The following NLRX1 variants were observed in gnomAD, a reference collection of about 807,000 sequenced individuals.
NLRX1 encodes the protein NLR family member X1.
In NLRX1, 67 loss-of-function variants were observed where a neutral mutation model predicts 74.2. That is an observed-to-expected ratio of 0.90 (90% confidence interval 0.74 to 1.11). The LOEUF is 1.11. NLRX1 is among the 50% of genes least tolerant of loss of function. The pLI, the probability that NLRX1 is intolerant of heterozygous loss-of-function variation, is 0.00. For missense variants in NLRX1, 1,191 were observed against 1,305.4 expected (o/e 0.91, Z 1.35); for synonymous variants, 506 against 559.1 (o/e 0.91, Z 1.34).
intron 1 of NLRX1, 21 bp downstream of exon 1, chr11:119,169,323 C>T (rs1172919788): frequency 6.5e-6 from 1 of 152,680 alleles, no homozygotes; most frequent in Non-Finnish European, 1.5e-5. Context: ...TGCAGTGCCC[C>T]CTCCTTTTCT....
At chr11:119,182,915 A>G (rs889342741) in intron 9 of NLRX1, among the ~76,000 whole-genome samples, 3 of 150,658 alleles carry the variant, frequency 2.0e-5, no homozygotes, top group Non-Finnish European at 4.4e-5. Context: ...AACAAAAACA[A>G]AAACAAAAAA....
At position 119,179,731 on chromosome 11, in the gene NLRX1, C is replaced by G. The variant is rs746329727; in HGVS notation, c.1710C>G (p.Ser570Arg). 2.0e-5 allele frequency: 32 copies of G among 1,610,462 alleles called. No homozygotes were observed. The highest frequency in any genetic ancestry group is 2.6e-5 in the Non-Finnish European group (31 of 1,177,578). Residue 570 changes from serine (S) to arginine (R), a missense_variant, in exon 7 of 10, where the codon AGC becomes AGG. Coordinates refer to ENST00000409109, the MANE Select transcript of NLRX1 (RefSeq NM_001282144.2). Reference protein sequence around the residue: ...PRVFGRMVGKSREAVAQAMVL... With the variant: ...PRVFGRMVGKRREAVAQAMVL... ...TGTTTGGGCGCATGGTGGGTAAAAGCCGGGAGGCGGTGGCTCAGGCCATGG... is the reference window on the plus strand; with the variant it reads ...TGTTTGGGCGCATGGTGGGTAAAAGGCGGGAGGCGGTGGCTCAGGCCATGG...
Position 119,174,897 on chromosome 11 carries a change from T to C in NLRX1, c.1294T>C (p.Leu432=). Residue 432 remains leucine, a synonymous_variant, in exon 6 of 10, where the codon TTG becomes CTG. Coordinates refer to ENST00000409109, the MANE Select transcript of NLRX1 (RefSeq NM_001282144.2). ...CTATGCAGCCCGAACCATGGGCAAG[T>C]TGGCCTATGAGGGGGTGTCCTCCCG... ...MAYAARTMGK[L]AYEGVSSRKT... The C allele has an allele frequency of 6.2e-7, 1 of 1,614,034 alleles. No homozygotes were observed. Among genetic ancestry groups the C allele is most frequent in the Non-Finnish European group, 8.5e-7 (1 of 1,180,034 alleles).
At chr11:119,176,302 C>T (rs770425420) in intron 6 of NLRX1, among the ~76,000 whole-genome samples, 1 of 152,140 alleles carries the variant, frequency 6.6e-6, no homozygotes, top group Non-Finnish European at 1.5e-5. Context: ...GCCTAGAGTG[C>T]AGTGGTGCAA....
chr11:119,171,058 G>A (rs1054161459), intron 1 of NLRX1, among the ~76,000 whole-genome samples: 34 of 152,116 alleles, frequency 2.2e-4, no homozygotes, highest in African/African-American at 3.9e-4. Flanking sequence ...CAGGAGAATC[G>A]CTTGGGCCCG....
At position 119,179,616 on chromosome 11, in the gene NLRX1, G is replaced by A. The variant is rs74417500; in HGVS notation, c.1672-77G>A. 8,994 of 1,147,408 alleles carry A rather than the reference G, an allele frequency of 7.8e-3. 523 individuals carry two copies. The African/African-American group carries it at 0.14, about 18-fold the overall frequency. The allele number at this position is 1,147,408 out of a possible 1,614,324, so 71.1% of individuals were successfully genotyped here. Reference sequence around the variant, plus strand: ...TCACAGGGCTGGAGCAGTCATGGGAGTGTACCTTAAGCTGAACCTTGAAGG... The same window carrying A: ...TCACAGGGCTGGAGCAGTCATGGGAATGTACCTTAAGCTGAACCTTGAAGG... On this transcript the variant is annotated intron_variant, in intron 6 of 9. Coordinates refer to ENST00000409109, the MANE Select transcript of NLRX1 (RefSeq NM_001282144.2).
intron 2 of NLRX1, among the ~76,000 whole-genome samples, chr11:119,171,966 A>AAG (rs1948561780): frequency 6.6e-6 from 1 of 152,074 alleles, no homozygotes; most frequent in African/African-American, 2.4e-5. Context: ...AAAAAAAAAA[A>AAG]AGAGAGTTGG....
chr11:119,174,657 C>T lies in NLRX1; in HGVS notation c.1054C>T (p.Gln352Ter), dbSNP rs773475314. 16 of 1,613,942 alleles carry T rather than the reference C, an allele frequency of 9.9e-6. No individual in the cohort carries two copies. Among genetic ancestry groups the T allele is most frequent in the Non-Finnish European group, 1.4e-5 (16 of 1,180,054 alleles). The change falls in exon 6 of 10, where the codon CAG becomes TAG. Residue 352 changes from glutamine (Q) to a stop codon, truncating the protein, a stop_gained. Coordinates refer to ENST00000409109, the MANE Select transcript of NLRX1 (RefSeq NM_001282144.2). LOFTEE classifies it high-confidence loss of function. The part of the protein sequence containing the change: ...ATPAQRDHLV[Q>*]MLSRNLEGHH... ...ACCAGCTCAGCGTGACCACCTGGTG[C>T]AGATGCTCTCCCGGAACCTGGAGGG...
intron 8 of NLRX1, 49 bp from the exon 9 acceptor site, chr11:119,182,045 C>T: frequency 6.3e-7 from 1 of 1,596,000 alleles, no homozygotes; most frequent in Admixed American, 1.7e-5. Context: ...ACCTTGCCTC[C>T]CCCTCCTCTC....
In NLRX1 at chr11:119,174,033, C is replaced by G; in HGVS notation, c.784C>G (p.Pro262Ala). 1 of 1,614,162 alleles carries G rather than the reference C, an allele frequency of 6.2e-7. No individual in the cohort carries two copies. The highest frequency in any genetic ancestry group is 8.5e-7 in the Non-Finnish European group (1 of 1,180,022). ...GGCAGGCACGGGACTTTGTAGTGAC[C>G]CGGAGGAACCGCAGGAACCAGCTGC... ...RLAGTGLCSD[P>A]EEPQEPAAII... is the part of the protein sequence containing the mutation. The change falls in exon 5 of 10, where the codon CCG (proline) becomes GCG (alanine). Residue 262 changes from proline (P) to alanine (A), a missense_variant. Pro to Ala is a conservative substitution (Grantham distance 27). Transcript: ENST00000409109.
intron 2 of NLRX1, 72 bp downstream of exon 2, chr11:119,171,545 C>T (rs1948549332): frequency 2.7e-6 from 3 of 1,100,818 alleles, no homozygotes; most frequent in Non-Finnish European, 4.1e-6. Flanking sequence ...GCCTCCAAGA[C>T]AGCAGGGATC....
intron 6 of NLRX1, chr11:119,177,958 T>C (rs923188929): frequency 6.6e-6 from 1 of 152,122 alleles, no homozygotes; most frequent in Non-Finnish European, 1.5e-5. Context: ...CTGTCACAGG[T>C]TGGTGTTGGA....
chr11:119,183,681 T>G lies in NLRX1; in HGVS notation c.*242T>G, dbSNP rs780871779. 4.3e-5 allele frequency: 32 copies of G among 743,216 alleles called. No individual in the cohort carries two copies. The Middle Eastern group carries it at 1.6e-3, about 37-fold the overall frequency. 46.0% of individuals were successfully genotyped at this position (743,216 alleles called of 1,614,324 possible). On this transcript the variant is annotated 3_prime_UTR_variant, in exon 10 of 10. Transcript: ENST00000409109. This position sits in a 1 kb window ranked among gnomAD's most constrained non-coding sequence, Gnocchi z 5.7. ...GAGATGGAACATGCCTCCTCTCCAT[T>G]CAGCTAGAAGGACCAAAGCATGTGG... is the stretch of plus-strand genomic sequence containing the variant.
chr11:119,183,199 G>C lies in NLRX1; in HGVS notation c.2688G>C (p.Val896=). 1.2e-6 allele frequency: 2 copies of C among 1,614,198 alleles called. No individual in the cohort carries two copies. Among genetic ancestry groups the C allele is most frequent in the Non-Finnish European group, 1.7e-6 (2 of 1,180,036 alleles). Residue 896 remains valine, a synonymous_variant, in exon 10 of 10, where the codon GTG becomes GTC. Coordinates refer to ENST00000409109, the MANE Select transcript of NLRX1 (RefSeq NM_001282144.2). The surrounding 1 kb of genome is among the most constrained non-coding windows in gnomAD (Gnocchi z 5.7). ...LGGAAEGGAR[V]VVSLTEGTAV... is the part of the protein sequence containing the mutation. ...GTGCTGCTGAAGGTGGTGCCCGGGT[G>C]GTGGTGTCACTGACAGAGGGGACGG...
At chr11:119,174,220 T>C (rs1417038567) in intron 5 of NLRX1, 122 bp downstream of exon 5, 2 of 1,265,934 alleles carry the variant, frequency 1.6e-6, no homozygotes, top group East Asian at 5.0e-5. Context: ...AGTCAGTAAC[T>C]TCCCCAGCCT....
chr11:119,172,607 A>G (rs1397768784), intron 3 of NLRX1, among the ~76,000 whole-genome samples, 182 bp downstream of exon 3: 1 of 152,160 alleles, frequency 6.6e-6, no homozygotes, highest in Non-Finnish European at 1.5e-5. Context: ...CATCTGTGGT[A>G]GAAGGCATAG....
chr11:119,169,227 G>A lies in NLRX1; in HGVS notation c.-124G>A, dbSNP rs1253020099. The A allele has an allele frequency of 6.6e-6, 1 of 152,636 alleles. No homozygotes were observed. The highest frequency in any genetic ancestry group is 1.9e-4 in the East Asian group (1 of 5,208). 9.5% of individuals were successfully genotyped at this position (152,636 alleles called of 1,614,324 possible). ...GGCAAGTCTCCCCCTGCGTTCCCGAGGCCACCCGAAAGTAGGAGAGCTGTT... is the reference window on the plus strand; with the variant it reads ...GGCAAGTCTCCCCCTGCGTTCCCGAAGCCACCCGAAAGTAGGAGAGCTGTT... On this transcript the variant is annotated 5_prime_UTR_variant, in exon 1 of 10. Transcript: ENST00000409109.
rs770012581 is a variant in NLRX1, at chr11:119,172,401, G to C, written c.116G>C (p.Gly39Ala). The C allele has an allele frequency of 6.2e-7, 1 of 1,613,878 alleles. No homozygotes were observed. Among genetic ancestry groups the C allele is most frequent in the Admixed American group, 1.7e-5 (1 of 60,020 alleles). Residue 39 changes from glycine to alanine, a missense_variant, in exon 3 of 10, where the codon GGG (glycine) becomes GCG (alanine). Transcript: ENST00000409109. Reference protein sequence around the residue: ...FLIHWSWPLQGERPFGPPRAF... With the variant: ...FLIHWSWPLQAERPFGPPRAF... ...ATCCACTGGAGTTGGCCCCTTCAAG[G>C]GGAGCGTCCCTTTGGGCCCCCTAGG...
Position 119,183,112 on chromosome 11 carries a change from T to A in NLRX1, c.2607-6T>A, listed in dbSNP as rs746883673. The A allele has an allele frequency of 1.2e-6, 2 of 1,613,280 alleles. No individual in the cohort carries two copies. Among genetic ancestry groups the A allele is most frequent in the East Asian group, 4.5e-5 (2 of 44,858 alleles). ...TGAATGGCATCGACTTTCTCTCTCC[T>A]GCCAGCCTCTACTTCAATGAGCTGA... On this transcript the variant is annotated splice_region_variant and splice_polypyrimidine_tract_variant and intron_variant, in intron 9 of 9. Transcript: ENST00000409109. The surrounding 1 kb of genome is among the most constrained non-coding windows in gnomAD (Gnocchi z 5.7).
Sources: gnomAD v4.1 joint callset for allele counts (sites outside exome capture counted in the v4.1 genomes callset) on GRCh38, gnomAD v4.1.1 for gene constraint, Gnocchi (gnomAD v3.1) non-coding constraint, MANE v1.5 for transcripts, NCBI Gene and HGNC (gene_info 2026-07-23, HGNC 2026-07-21) for gene names.